SHC4: variants seen among roughly 807,000 people sequenced by gnomAD.
SHC4 encodes SHC adaptor protein 4, also known as SHC-transforming protein 4.
A neutral mutation model predicts 69.4 loss-of-function variants in SHC4; 41 were observed. That is an observed-to-expected ratio of 0.59 (90% confidence interval 0.46 to 0.77). The LOEUF (loss-of-function observed/expected upper bound fraction) is 0.77. Ranked by LOEUF, SHC4 falls within the 30% of genes least tolerant of loss-of-function variation. The pLI, the probability that SHC4 is intolerant of heterozygous loss-of-function variation, is 0.00. For synonymous variants in SHC4, 318 were observed against 299.3 expected, an observed-to-expected ratio of 1.06 and a Z score of -0.64; for missense variants, 777 against 783.8, an observed-to-expected ratio of 0.99 and a Z score of 0.10.
rs1898644855 is a variant in SHC4, at chr15:48,823,979, A to G, written c.*1992T>C. 1 of 152,204 alleles carries G rather than the reference A, an allele frequency of 6.6e-6. No individual in the cohort carries two copies. 9.4% of individuals were successfully genotyped at this position (152,204 alleles called of 1,614,324 possible). ...TGTACTGCTGACACCATTTACAGTC[A>G]TTGCATCTATTTGTATCAGGAACTC... is the stretch of plus-strand genomic sequence containing the variant. On this transcript the variant is annotated 3_prime_UTR_variant, in exon 12 of 12. Coordinates refer to ENST00000332408, the MANE Select transcript of SHC4 (RefSeq NM_203349.4).
chr15:48,872,254 C>T (rs968306794), intron 4 of SHC4, 112 bp from the exon 5 acceptor site: 10 of 629,036 alleles, frequency 1.6e-5, no homozygotes, highest in African/African-American at 1.6e-4. Context: ...TGATCAGCAT[C>T]CCTTTGAAAA....
chr15:48,895,412 T>G (rs1900205844), intron 2 of SHC4, among the ~76,000 whole-genome samples: 1 of 152,134 alleles, frequency 6.6e-6, no homozygotes, highest in Non-Finnish European at 1.5e-5. Context: ...ATATTGACTG[T>G]CCTTCCCTTG....
At chr15:48,878,123 G>C in intron 4 of SHC4, 39 of 1,508,046 alleles carry the variant, frequency 2.6e-5, no homozygotes, top group Non-Finnish European at 3.4e-5. Flanking sequence ...ACGCACGGCC[G>C]CGCAGCATCT....
intron 5 of SHC4, among the ~76,000 whole-genome samples, chr15:48,871,230 G>C (rs1378920650): frequency 2.6e-5 from 4 of 152,202 alleles, no homozygotes; most frequent in Non-Finnish European, 5.9e-5. Flanking sequence ...GTCTGTGTAT[G>C]TTCCCCCTGC....
intron 3 of SHC4, among the ~76,000 whole-genome samples, chr15:48,885,217 A>G (rs1900012494): frequency 6.6e-6 from 1 of 152,128 alleles, no homozygotes. Context: ...AGGTACCAAC[A>G]GGGGGGCGAG....
chr15:48,876,794 G>C, intron 4 of SHC4: 1 of 394,144 alleles, frequency 2.5e-6, no homozygotes, highest in Non-Finnish European at 4.7e-6. Context: ...TCTGCCTTTC[G>C]CAGCCCACTG....
At chr15:48,871,974 C>G in intron 5 of SHC4, 115 bp downstream of exon 5, 1 of 651,322 alleles carries the variant, frequency 1.5e-6, no homozygotes, top group Non-Finnish European at 2.7e-6. Flanking sequence ...TAGGAAAAGA[C>G]ATGTAGTGGC....
intron 6 of SHC4, among the ~76,000 whole-genome samples, chr15:48,859,670 CT>C (rs1321055832): frequency 3.3e-5 from 5 of 152,106 alleles, no homozygotes; most frequent in Non-Finnish European, 7.3e-5. Flanking sequence ...AATAGTGCTA[CT>C]GTATGAAATT....
intron 10 of SHC4, among the ~76,000 whole-genome samples, chr15:48,839,014 AT>A (rs1455672175): frequency 6.6e-6 from 1 of 152,128 alleles, no homozygotes; most frequent in Non-Finnish European, 1.5e-5. Context: ...TAAAATGGAA[AT>A]CAGTGAAATT....
intron 2 of SHC4, among the ~76,000 whole-genome samples, chr15:48,901,898 T>C (rs949959600): frequency 6.6e-6 from 1 of 152,160 alleles, no homozygotes; most frequent in Non-Finnish European, 1.5e-5. Flanking sequence ...ATAATGGCTA[T>C]CTACTTTAAG....
chr15:48,890,556 C>G (rs989756890), intron 3 of SHC4, among the ~76,000 whole-genome samples, 192 bp downstream of exon 3: 1 of 152,122 alleles, frequency 6.6e-6, no homozygotes, highest in African/African-American at 2.4e-5. Context: ...GGTATCACCA[C>G]GTCGGACAGT....
chr15:48,895,111 T>A (rs1211523367), intron 2 of SHC4, among the ~76,000 whole-genome samples: 1 of 152,066 alleles, frequency 6.6e-6, no homozygotes, highest in East Asian at 1.9e-4. Context: ...GGCCAGCCCC[T>A]ATTTACTGAG....
chr15:48,918,883 T>C (rs918907529), intron 2 of SHC4, among the ~76,000 whole-genome samples: 1 of 152,198 alleles, frequency 6.6e-6, no homozygotes, highest in African/African-American at 2.4e-5. Context: ...TTTTTTTAAA[T>C]TTACCCTTCT....
chr15:48,920,120 T>C (rs1900720563), intron 2 of SHC4, among the ~76,000 whole-genome samples: 1 of 151,530 alleles, frequency 6.6e-6, no homozygotes, highest in African/African-American at 2.4e-5. Context: ...GTTCACGCCA[T>C]TCTCTTGCCT....
At chr15:48,827,422 A>T (rs1898709665) in intron 11 of SHC4, among the ~76,000 whole-genome samples, 1 of 152,186 alleles carries the variant, frequency 6.6e-6, no homozygotes, top group African/African-American at 2.4e-5. Context: ...ATTTGCTCTC[A>T]AATGGCTCCA....
At chr15:48,866,859 G>GA (rs1899571404) in intron 6 of SHC4, among the ~76,000 whole-genome samples, 1 of 152,202 alleles carries the variant, frequency 6.6e-6, no homozygotes, top group African/African-American at 2.4e-5. Flanking sequence ...AGTTAAGGAG[G>GA]AACCTAACAC....
At position 48,936,570 on chromosome 15, in the gene SHC4, C is replaced by T. The variant is rs192695558; in HGVS notation, c.586-11621G>A. 3.3e-3 allele frequency among the ~76,000 whole-genome samples: 496 copies of T among 152,328 alleles called. 2 individuals carry two copies. The highest frequency in any genetic ancestry group is 0.011 in the African/African-American group (473 of 41,568). On this transcript the variant is annotated intron_variant, in intron 1 of 11. Transcript: ENST00000332408. ...AGCTGAACCAAGCTTGTGCCTGCTT[C>T]CCCTTTGCCTTCCACCATGATTGTA... is the stretch of plus-strand genomic sequence containing the variant.
At chr15:48,852,361 A>G (rs1899230800) in intron 8 of SHC4, among the ~76,000 whole-genome samples, 1 of 152,246 alleles carries the variant, frequency 6.6e-6, no homozygotes, top group Non-Finnish European at 1.5e-5. Context: ...ATCAAAAATA[A>G]GATGGATCAA....
chr15:48,874,485 C>T (rs550043884), intron 4 of SHC4, among the ~76,000 whole-genome samples: 7 of 63,770 alleles, frequency 1.1e-4, no homozygotes, highest in Admixed American at 5.3e-4. Context: ...GCTCACATTA[C>T]TGTCTGAGTT....
Sources: gnomAD v4.1 joint callset for allele counts (sites outside exome capture counted in the v4.1 genomes callset) on GRCh38, gnomAD v4.1.1 for gene constraint, MANE v1.5 for transcripts, NCBI Gene and HGNC (gene_info 2026-07-23, HGNC 2026-07-21) for gene names.